Variants in NTN1 observed in about 807,000 individuals in gnomAD.
NTN1 encodes the protein netrin 1, also known as netrin-1.
A neutral mutation model predicts 54.2 loss-of-function variants in NTN1; 11 were observed. The observed-to-expected ratio is 0.20, with a 90% CI of 0.13 to 0.34. NTN1 has a LOEUF of 0.34. NTN1 is among the 10% of genes least tolerant of loss of function. The pLI is 1.00. For missense variants in NTN1, 740 were observed against 893.1 expected, an observed-to-expected ratio of 0.83 and a Z score of 2.18; for synonymous variants, 371 against 382.0, an observed-to-expected ratio of 0.97 and a Z score of 0.33.
At chr17:9,061,870 A>AT (rs1342796045) in intron 2 of NTN1, among the ~76,000 whole-genome samples, 1 of 151,712 alleles carries the variant, frequency 6.6e-6, no homozygotes, top group African/African-American at 2.4e-5. Flanking sequence ...CGCTGAGCTA[A>AT]TTTTTTGTAT....
rs869056034 is a variant in NTN1, at chr17:9,114,153, GA to G, written c.1019-48646del. Among the ~76,000 whole-genome samples the G allele has an allele frequency of 6.7e-3, 620 of 92,998 alleles. 15 individuals carry two copies. Among genetic ancestry groups the G allele is most frequent in the Middle Eastern group, 0.024 (4 of 166 alleles). 61.0% of individuals were successfully genotyped at this position (92,998 alleles called of 152,430 possible). On this transcript the variant is annotated intron_variant, in intron 2 of 6. Transcript: ENST00000173229. ...CTCTAGCCTGGGTGCCAAAAAAAAA[GA>G]AAAAAAAAAAAAATATATATATATA...
intron 2 of NTN1, among the ~76,000 whole-genome samples, chr17:9,068,121 A>T (rs536557104): frequency 6.6e-6 from 1 of 152,108 alleles, no homozygotes; most frequent in African/African-American, 2.4e-5. Context: ...TGAATAAACT[A>T]CCAGGCTAGA....
chr17:9,230,128 G>A (rs1905756638), intron 6 of NTN1, among the ~76,000 whole-genome samples: 2 of 152,132 alleles, frequency 1.3e-5, no homozygotes, highest in South Asian at 4.1e-4. Context: ...ATTCCTGATC[G>A]GGCTCAATCC....
At chr17:9,230,448 A>ACC (rs35782280) in intron 6 of NTN1, among the ~76,000 whole-genome samples, 2,050 of 56,124 alleles carry the variant, frequency 0.037, 39 homozygotes, top group Non-Finnish European at 0.044. Context: ...ACCAGATGTG[A>ACC]CCCCCCCCCC....
the NTN1 span, among the ~76,000 whole-genome samples, chr17:9,007,585 C>T: frequency 0.01 from 1,442 of 139,094 alleles, 11 homozygotes; most frequent in Middle Eastern, 0.048. Context: ...TTCTTCCTTC[C>T]CTCCCTTCCT....
intron 2 of NTN1, among the ~76,000 whole-genome samples, chr17:9,126,948 G>C (rs987579096): frequency 6.6e-6 from 1 of 151,652 alleles, no homozygotes; most frequent in Non-Finnish European, 1.5e-5. Context: ...AGGGTACCAC[G>C]TGTCTCATGC....
intron 2 of NTN1, among the ~76,000 whole-genome samples, chr17:9,127,941 AC>A (rs1475087652): frequency 3.3e-5 from 5 of 151,142 alleles, no homozygotes; most frequent in African/African-American, 9.7e-5. Context: ...ACATGGTGAA[AC>A]CCCGTCTCTA....
At chr17:9,193,109 AAG>A (rs1177981872) in intron 5 of NTN1, among the ~76,000 whole-genome samples, 8 of 150,100 alleles carry the variant, frequency 5.3e-5, no homozygotes, top group Non-Finnish European at 8.9e-5. Flanking sequence ...AAAGAAAAAA[AAG>A]CCGTTTCCTC....
intron 2 of NTN1, among the ~76,000 whole-genome samples, chr17:9,115,889 C>T (rs367891935): frequency 1.3e-5 from 2 of 152,244 alleles, no homozygotes; most frequent in Admixed American, 6.5e-5. Context: ...GAAGGGATTT[C>T]GTGTTTCTCC....
At chr17:9,045,344 C>T (rs1037338619) in intron 2 of NTN1, among the ~76,000 whole-genome samples, 1 of 152,180 alleles carries the variant, frequency 6.6e-6, no homozygotes, top group Non-Finnish European at 1.5e-5. Flanking sequence ...CATGGGGTGC[C>T]ACCTCCCGTC....
At position 9,097,612 on chromosome 17, in the gene NTN1, G is replaced by A. The variant is rs144557212; in HGVS notation, c.1019-65201G>A. On this transcript the variant is annotated intron_variant, in intron 2 of 6. Transcript: ENST00000173229. ...TGTACTCTAGCCTGGGCAACAGAGC[G>A]AGACTGCCTCAAAAAACAAAAAAAG... Among the ~76,000 whole-genome samples the A allele has an allele frequency of 1.0e-3, 156 of 152,046 alleles. 1 individual carries two copies. In the East Asian group the frequency reaches 0.014, roughly 13 times the overall value.
rs138466096 is a variant in NTN1, at chr17:9,237,147, C to T, written c.1487-2493C>T. On this transcript the variant is annotated intron_variant, in intron 6 of 6. Transcript: ENST00000173229. ...GCTGCCAGAACAAAGTACCACAGAC[C>T]GAGTGGCTGAAACCACAGAAATGTA... Among the ~76,000 whole-genome samples the T allele has an allele frequency of 8.1e-3, 1,226 of 152,296 alleles. 10 individuals carry two copies. Among genetic ancestry groups the T allele is most frequent in the African/African-American group, 0.027 (1,125 of 41,568 alleles).
At chr17:9,205,616 C>T (rs1904946548) in intron 5 of NTN1, among the ~76,000 whole-genome samples, 2 of 152,234 alleles carry the variant, frequency 1.3e-5, no homozygotes, top group African/African-American at 4.8e-5. Flanking sequence ...AAGGGAGACC[C>T]TGTCTCAGAG....
At chr17:9,209,210 GA>G (rs1403367268) in intron 5 of NTN1, among the ~76,000 whole-genome samples, 1 of 152,202 alleles carries the variant, frequency 6.6e-6, no homozygotes, top group African/African-American at 2.4e-5. Flanking sequence ...GAAGAACTTG[GA>G]ATGGTGAATG....
intron 4 of NTN1, among the ~76,000 whole-genome samples, chr17:9,182,124 C>T (rs1237310055): frequency 2.6e-5 from 4 of 152,152 alleles, no homozygotes; most frequent in Non-Finnish European, 5.9e-5. Context: ...ACTACAGGTG[C>T]GTGCCACCAC....
At chr17:9,198,891 G>A (rs1597533507) in intron 5 of NTN1, among the ~76,000 whole-genome samples, 1 of 152,142 alleles carries the variant, frequency 6.6e-6, no homozygotes, top group East Asian at 1.9e-4. Context: ...ACCTACGAGG[G>A]AGGCCATATG....
At chr17:9,183,516 G>A (rs928012363) in intron 5 of NTN1, 2 of 359,010 alleles carry the variant, frequency 5.6e-6, no homozygotes, top group South Asian at 2.2e-5. Context: ...GGTCACTGGC[G>A]GAAGTCACAG....
chr17:9,160,837 G>A (rs2092355092), intron 2 of NTN1, among the ~76,000 whole-genome samples: 1 of 152,020 alleles, frequency 6.6e-6, no homozygotes, highest in Non-Finnish European at 1.5e-5. Flanking sequence ...CATGTCTGTG[G>A]TCCCAGCTAC....
At chr17:9,172,249 G>A (rs1279084179) in intron 3 of NTN1, among the ~76,000 whole-genome samples, 1 of 152,076 alleles carries the variant, frequency 6.6e-6, no homozygotes, top group Admixed American at 6.5e-5. Context: ...TGTAATCCCA[G>A]CACTTTGGGA....
Sources: allele counts gnomAD v4.1 joint callset (sites outside exome capture counted in the v4.1 genomes callset), GRCh38; gene constraint gnomAD v4.1.1; transcripts MANE v1.5; gene names NCBI Gene and HGNC (gene_info 2026-07-23, HGNC 2026-07-21).